Variants in CAST observed in about 807,000 individuals in gnomAD.
The protein encoded by CAST is calpastatin, also known as MIR583 host.
In CAST, 76 loss-of-function variants were observed where a neutral mutation model predicts 119.6. The ratio of observed to expected loss-of-function variants is 0.64; its 90% CI spans 0.53 to 0.77. The LOEUF (loss-of-function observed/expected upper bound fraction) is 0.77, where lower values mean the gene tolerates loss of function less well. Ranked by LOEUF, CAST falls within the 30% of genes least tolerant of loss-of-function variation. CAST has a pLI of 0.00. For missense variants in CAST, 953 were observed against 946.5 expected (o/e 1.01, Z -0.09); for synonymous variants, 319 against 331.6 (o/e 0.96, Z 0.41).
At chr5:96,483,359 G>C in the CAST span, among the ~76,000 whole-genome samples, 1 of 152,164 alleles carries the variant, frequency 6.6e-6, no homozygotes, top group Non-Finnish European at 1.5e-5. Context: ...TACTGGATGT[G>C]TATCGGTCAT....
intron 1 of CAST, among the ~76,000 whole-genome samples, chr5:96,620,366 C>G (rs182389078): frequency 6.7e-6 from 1 of 150,162 alleles, no homozygotes; most frequent in Non-Finnish European, 1.5e-5. Context: ...CACATTCAGT[C>G]GACATTGTAG....
intron 1 of CAST, among the ~76,000 whole-genome samples, chr5:96,620,772 G>C (rs1464219151): frequency 6.6e-6 from 1 of 152,206 alleles, no homozygotes; most frequent in Non-Finnish European, 1.5e-5. Context: ...ATGCTTAAAT[G>C]TATTGGCATA....
intron 1 of CAST, among the ~76,000 whole-genome samples, chr5:96,587,321 A>T (rs1746878531): frequency 6.6e-6 from 1 of 152,208 alleles, no homozygotes; most frequent in African/African-American, 2.4e-5. Context: ...ACACCAATAG[A>T]ATAATGCACT....
At chr5:96,423,262 G>T in the CAST span, 9 of 1,556,422 alleles carry the variant, frequency 5.8e-6, no homozygotes, top group Non-Finnish European at 7.9e-6. Context: ...CTAACTGTGT[G>T]TCTGCACAGA....
chr5:96,183,749 C>T, the CAST span, among the ~76,000 whole-genome samples: 1 of 152,094 alleles, frequency 6.6e-6, no homozygotes, highest in African/African-American at 2.4e-5. Flanking sequence ...TAAAATGATA[C>T]AATGGGACAT....
At chr5:96,744,824 G>C (rs1273544450) in intron 16 of CAST, among the ~76,000 whole-genome samples, 18 of 152,160 alleles carry the variant, frequency 1.2e-4, no homozygotes, top group Admixed American at 1.2e-3. Context: ...CAATACTCCA[G>C]AGAGGAAACC....
the CAST span, among the ~76,000 whole-genome samples, chr5:96,339,773 T>C: frequency 6.6e-6 from 1 of 152,138 alleles, no homozygotes; most frequent in South Asian, 2.1e-4. Context: ...CTCTTCTGTG[T>C]TTGATTTGCA....
the CAST span, among the ~76,000 whole-genome samples, chr5:96,515,310 G>A: frequency 3.5e-5 from 2 of 56,388 alleles, no homozygotes; most frequent in Admixed American, 1.5e-4. Context: ...ATGTTTGATT[G>A]TTTGTTTGTT....
the CAST span, chr5:95,961,826 C>T: frequency 3.0e-5 from 42 of 1,395,400 alleles, no homozygotes; most frequent in South Asian, 2.4e-4. Flanking sequence ...TAGGGCCATC[C>T]CGCTGCTGAC....
chr5:96,107,125 G>A, the CAST span, among the ~76,000 whole-genome samples: 15 of 150,882 alleles, frequency 9.9e-5, no homozygotes, highest in Middle Eastern at 3.4e-3. Flanking sequence ...GTCTCTGCAC[G>A]TGAGATGGGT....
chr5:96,700,467 A>G (rs561431028), intron 3 of CAST, among the ~76,000 whole-genome samples: 1 of 152,232 alleles, frequency 6.6e-6, no homozygotes, highest in Non-Finnish European at 1.5e-5. Flanking sequence ...TTTAATGTAC[A>G]TAATGAGTCA....
chr5:96,575,609 A>G (rs148885161), intron 1 of CAST, among the ~76,000 whole-genome samples: 1 of 151,404 alleles, frequency 6.6e-6, no homozygotes, highest in African/African-American at 2.4e-5. Context: ...ATGAATGAGC[A>G]TTGGATTTTT....
upstream of CAST, among the ~76,000 whole-genome samples, chr5:96,521,100 C>G (rs529822877): frequency 1.3e-5 from 2 of 152,292 alleles, no homozygotes; most frequent in African/African-American, 4.8e-5. Flanking sequence ...ACTACCCCAG[C>G]ATGTTATGTT....
At chr5:96,334,107 T>C in the CAST span, among the ~76,000 whole-genome samples, 1 of 152,232 alleles carries the variant, frequency 6.6e-6, no homozygotes, top group African/African-American at 2.4e-5. Flanking sequence ...TTTATAATAC[T>C]CAGGTGCAAG....
the CAST span, among the ~76,000 whole-genome samples, chr5:96,047,658 C>G: frequency 6.6e-6 from 1 of 152,188 alleles, no homozygotes. Context: ...TGTTGAGTGT[C>G]TACCGAATGT....
chr5:96,075,922 G>A, the CAST span, among the ~76,000 whole-genome samples: 1 of 152,154 alleles, frequency 6.6e-6, no homozygotes, highest in Admixed American at 6.5e-5. Flanking sequence ...AAGCATGTGT[G>A]TTGAAAACAG....
the CAST span, among the ~76,000 whole-genome samples, chr5:96,510,500 C>T: frequency 1.1e-4 from 17 of 152,178 alleles, no homozygotes; most frequent in South Asian, 4.2e-4. Flanking sequence ...TTTTTCCCAC[C>T]GATCTTGTTT....
At chr5:96,560,937 G>T (rs1746345264) in intron 1 of CAST, among the ~76,000 whole-genome samples, 1 of 152,188 alleles carries the variant, frequency 6.6e-6, no homozygotes, top group Non-Finnish European at 1.5e-5. Flanking sequence ...CTACAGCAAA[G>T]ACTTGGAACC....
At chr5:96,156,328 T>A in the CAST span, among the ~76,000 whole-genome samples, 1 of 152,234 alleles carries the variant, frequency 6.6e-6, no homozygotes, top group Non-Finnish European at 1.5e-5. Flanking sequence ...GCACATTATT[T>A]TTTTCAGAAC....
Sources: gnomAD v4.1 joint callset for allele counts (sites outside exome capture counted in the v4.1 genomes callset) on GRCh38, gnomAD v4.1.1 for gene constraint, MANE v1.5 for transcripts, NCBI Gene and HGNC (gene_info 2026-07-23, HGNC 2026-07-21) for gene names.